Variants in F8 observed in about 807,000 individuals in gnomAD.
F8 encodes the protein coagulation factor VIII.
A neutral mutation model predicts 140.6 loss-of-function variants in F8; 12 were observed. The ratio of observed to expected loss-of-function variants is 0.09; its 90% CI spans 0.05 to 0.14. The LOEUF (loss-of-function observed/expected upper bound fraction) is 0.14, where lower values mean the gene tolerates loss of function less well. Ranked by LOEUF, F8 falls within the 10% of genes least tolerant of loss-of-function variation. F8 has a pLI of 1.00. For missense variants in F8, 1,354 were observed against 1,720.7 expected (o/e 0.79, Z 3.77); for synonymous variants, 585 against 614.6 (o/e 0.95, Z 0.71).
intron 25 of F8, 149 bp from the exon 26 acceptor site, chrX:154,837,901 A>T: frequency 1.8e-6 from 1 of 570,126 alleles, no homozygotes; most frequent in Middle Eastern, 4.0e-4. Context: ...CGCATCTGGG[A>T]CATCTAGAAT....
chrX:154,840,115 T>C (rs1163388541), intron 25 of F8, among the ~76,000 whole-genome samples: 1 of 112,072 alleles, frequency 8.9e-6, no homozygotes, highest in African/African-American at 3.2e-5. Context: ...AATCTCTATA[T>C]TTATAAAGGT....
At chrX:154,978,312 G>A (rs2073498600) in intron 6 of F8, among the ~76,000 whole-genome samples, 1 of 110,865 alleles carries the variant, frequency 9.0e-6, no homozygotes, top group African/African-American at 3.3e-5. Flanking sequence ...CACATATACT[G>A]TTTTGCTTGT....
intron 13 of F8, among the ~76,000 whole-genome samples, chrX:154,943,682 T>A (rs2073283858): frequency 9.0e-6 from 1 of 111,486 alleles, no homozygotes; most frequent in Non-Finnish European, 1.9e-5. Context: ...AAAGTTCATA[T>A]GAAACCAAAA....
chrX:154,950,000 C>T (rs782399724), intron 12 of F8, among the ~76,000 whole-genome samples: 45 of 111,495 alleles, frequency 4.0e-4, no homozygotes, highest in African/African-American at 1.3e-3. Flanking sequence ...CTCTTGACCT[C>T]GTGATCCGCC....
At chrX:154,997,912 T>A (rs1557285257) in intron 2 of F8, among the ~76,000 whole-genome samples, 1 of 112,188 alleles carries the variant, frequency 8.9e-6, no homozygotes, top group Non-Finnish European at 1.9e-5. Flanking sequence ...CTTGTGCAAC[T>A]GGGTTGTTAG....
chrX:154,872,192 C>T (rs1308731228), intron 22 of F8, among the ~76,000 whole-genome samples: 5 of 111,723 alleles, frequency 4.5e-5, no homozygotes, highest in Non-Finnish European at 9.4e-5. Context: ...GCAAATCCCA[C>T]TACTGGGCAT....
chrX:154,838,648 C>CT (rs1207935089), intron 25 of F8, among the ~76,000 whole-genome samples: 1 of 111,741 alleles, frequency 8.9e-6, no homozygotes, highest in East Asian at 2.8e-4. Flanking sequence ...AACAGTAGGG[C>CT]TCCTGCTTCC....
chrX:154,939,092 T>C (rs1312922028), intron 13 of F8, among the ~76,000 whole-genome samples: 1 of 111,274 alleles, frequency 9.0e-6, no homozygotes, highest in Non-Finnish European at 1.9e-5. Flanking sequence ...GCATAAGTGA[T>C]GCAGAAGACG....
At chrX:155,002,668 C>T (rs904571187) in intron 1 of F8, among the ~76,000 whole-genome samples, 4 of 110,072 alleles carry the variant, frequency 3.6e-5, no homozygotes, top group African/African-American at 6.7e-5. Flanking sequence ...ATTGGAGAAC[C>T]CTAATACAAT....
intron 22 of F8, among the ~76,000 whole-genome samples, chrX:154,876,384 G>A (rs1603432078): frequency 1.8e-5 from 2 of 111,007 alleles, no homozygotes; most frequent in Admixed American, 9.5e-5. Flanking sequence ...CTCCCAAAGT[G>A]CTGGGATTAC....
intron 14 of F8, among the ~76,000 whole-genome samples, chrX:154,925,633 C>A (rs2073156226): frequency 1.8e-5 from 2 of 112,501 alleles, no homozygotes; most frequent in African/African-American, 6.5e-5. Flanking sequence ...GATTTGACTG[C>A]CCCGTAGAAT....
chrX:154,928,858 G>A lies in F8; in HGVS notation c.4932C>T (p.Thr1644=). Residue 1644 remains threonine, a synonymous_variant, in exon 14 of 26, where the codon ACC becomes ACT. Coordinates refer to ENST00000360256, the MANE Select transcript of F8 (RefSeq NM_000132.4). ...EGQNKPEIEV[T]WAKQGRTERL... ...TTTCAGTCCTACCTTGCTTTGCCCA[G>A]GTGACTTCTATTTCGGGCTTATTTT... The A allele has an allele frequency of 8.3e-7, 1 of 1,211,768 alleles. No homozygotes were observed. The highest frequency in any genetic ancestry group is 2.2e-5 in the Admixed American group (1 of 46,004).
intron 25 of F8, among the ~76,000 whole-genome samples, chrX:154,857,492 T>C (rs781860280): frequency 8.9e-6 from 1 of 111,789 alleles, no homozygotes; most frequent in Non-Finnish European, 1.9e-5. Flanking sequence ...TTGGGCCTGG[T>C]TTACAGACGG....
intron 1 of F8, among the ~76,000 whole-genome samples, chrX:155,010,656 T>C (rs1557286499): frequency 9.0e-6 from 1 of 111,152 alleles, no homozygotes; most frequent in African/African-American, 3.3e-5. Context: ...ACTCAAACTA[T>C]TATTCTCTGT....
chrX:154,858,279 T>C (rs1266315898), intron 25 of F8, among the ~76,000 whole-genome samples: 1 of 112,361 alleles, frequency 8.9e-6, no homozygotes, highest in Non-Finnish European at 1.9e-5. Context: ...CTCAGCAACA[T>C]GGACTTCTAT....
At chrX:154,944,323 G>GA (rs1328870705) in intron 13 of F8, among the ~76,000 whole-genome samples, 1 of 108,822 alleles carries the variant, frequency 9.2e-6, no homozygotes, top group African/African-American at 3.3e-5. Context: ...AAATTTACAA[G>GA]AAAAAAACAA....
Position 154,966,571 on chromosome X carries a change from C to T in F8, c.1126G>A (p.Val376Met), listed in dbSNP as rs1557282034. 2 of 1,211,488 alleles carry T rather than the reference C, an allele frequency of 1.7e-6. No individual in the cohort carries two copies. The highest frequency in any genetic ancestry group is 2.2e-5 in the Admixed American group (1 of 45,982). The change falls in exon 8 of 26, where the codon GTG becomes ATG. Residue 376 changes from valine to methionine, a missense_variant. Coordinates refer to ENST00000360256, the MANE Select transcript of F8 (RefSeq NM_000132.4). The part of the protein sequence containing the change: ...DDDLTDSEMD[V>M]VRFDDDNSPS... ...GAGTTGTCATCATCAAACCTGACCACATCCATTTCAGAATCAGTAAGATCA... is the reference window on the plus strand; with the variant it reads ...GAGTTGTCATCATCAAACCTGACCATATCCATTTCAGAATCAGTAAGATCA...
intron 12 of F8, among the ~76,000 whole-genome samples, chrX:154,950,527 C>T (rs782454315): frequency 8.9e-6 from 1 of 111,788 alleles, no homozygotes; most frequent in Non-Finnish European, 1.9e-5. Flanking sequence ...ATGGCTGATT[C>T]TTCTCTATCC....
At chrX:155,013,767 CA>C (rs782096465) in intron 1 of F8, among the ~76,000 whole-genome samples, 20 of 111,647 alleles carry the variant, frequency 1.8e-4, no homozygotes, top group Non-Finnish European at 3.0e-4. Context: ...GCTGGAAATC[CA>C]ATATCAGGGT....
Sources: allele counts gnomAD v4.1 joint callset (sites outside exome capture counted in the v4.1 genomes callset), GRCh38; gene constraint gnomAD v4.1.1; transcripts MANE v1.5; gene names NCBI Gene and HGNC (gene_info 2026-07-23, HGNC 2026-07-21).